MEOX2: variants seen among roughly 807,000 people sequenced by gnomAD.
MEOX2 encodes mesenchyme homeobox 2, also known as homeobox protein MOX-2.
Under a neutral mutation model 27.0 loss-of-function variants are expected in MEOX2, and 11 were observed. The observed-to-expected ratio is 0.41, with a 90% CI of 0.26 to 0.68. The LOEUF is 0.68. MEOX2 is among the 30% of genes least tolerant of loss of function. The probability of loss-of-function intolerance (pLI) is 0.33; values close to 1 mark genes in which losing one functional copy is unlikely to be tolerated. For synonymous variants in MEOX2, 189 were observed against 155.4 expected (o/e 1.22, Z -1.61); for missense variants, 436 against 385.4 (o/e 1.13, Z -1.10).
chr7:15,655,661 T>C (rs1781807855), intron 1 of MEOX2, among the ~76,000 whole-genome samples: 1 of 151,824 alleles, frequency 6.6e-6, no homozygotes, highest in Admixed American at 6.6e-5. Context: ...ATTTCTGTGT[T>C]TGGAAATTTT....
intron 1 of MEOX2, among the ~76,000 whole-genome samples, chr7:15,653,229 G>C (rs1167887982): frequency 6.6e-6 from 1 of 151,866 alleles, no homozygotes; most frequent in East Asian, 1.9e-4. Flanking sequence ...TTTCCAAATA[G>C]CAGATAATAA....
intron 1 of MEOX2, among the ~76,000 whole-genome samples, chr7:15,666,110 G>C (rs750700871): frequency 6.6e-6 from 1 of 152,096 alleles, no homozygotes; most frequent in Non-Finnish European, 1.5e-5. Flanking sequence ...AGGAAGAAAT[G>C]CCAAGACCAA....
At chr7:15,617,576 T>G (rs1781142979) in intron 2 of MEOX2, among the ~76,000 whole-genome samples, 1 of 152,094 alleles carries the variant, frequency 6.6e-6, no homozygotes, top group South Asian at 2.1e-4. Context: ...TATATCTGAT[T>G]AAGAGAAGGA....
chr7:15,617,158 TAACATCA>T (rs1345490909), intron 2 of MEOX2, among the ~76,000 whole-genome samples: 3 of 152,122 alleles, frequency 2.0e-5, no homozygotes, highest in African/African-American at 2.4e-5. Flanking sequence ...AAAAAAGCCA[TAACATCA>T]AACATCTGGA....
rs1037404656 is a variant in MEOX2 at position 15,649,494 on chromosome 7, A to T, written c.518-22576T>A. On this transcript the variant is annotated intron_variant, in intron 1 of 2. Transcript: ENST00000262041. ...GAAGTTTCACAAGCAAATTACATTT[A>T]TGATAGTTCTTCTAGAAAGGACAGA... Among the ~76,000 whole-genome samples, 9 of 152,254 alleles carry T rather than the reference A, an allele frequency of 5.9e-5. No homozygotes were observed. The East Asian group carries it at 1.7e-3, about 29-fold the overall frequency.
intron 1 of MEOX2, among the ~76,000 whole-genome samples, chr7:15,627,715 G>C (rs73300577): frequency 6.6e-6 from 1 of 151,372 alleles, no homozygotes; most frequent in African/African-American, 2.4e-5. Context: ...CATAACTAAC[G>C]TATAGAATTT....
chr7:15,657,451 T>G (rs117657027), intron 1 of MEOX2, among the ~76,000 whole-genome samples: 10,013 of 152,236 alleles, frequency 0.066, 455 homozygotes, highest in Non-Finnish European at 0.1. Context: ...AGTTTTTCCC[T>G]TTGTACTGTC....
At chr7:15,684,072 A>G (rs1017459919) in intron 1 of MEOX2, among the ~76,000 whole-genome samples, 2 of 152,214 alleles carry the variant, frequency 1.3e-5, no homozygotes, top group Non-Finnish European at 2.9e-5. Context: ...CCGTTTTCTC[A>G]GTTTTCCCCA....
chr7:15,654,384 C>G (rs1781787727), intron 1 of MEOX2, among the ~76,000 whole-genome samples: 1 of 151,412 alleles, frequency 6.6e-6, no homozygotes. Context: ...TTCTTCCTTT[C>G]TGATCTGTAT....
chr7:15,636,934 C>T (rs990355285), intron 1 of MEOX2, among the ~76,000 whole-genome samples: 1 of 151,944 alleles, frequency 6.6e-6, no homozygotes, highest in African/African-American at 2.4e-5. Context: ...GTGAAATCCT[C>T]ATGACCTAAA....
chr7:15,627,556 T>A (rs1781332959), intron 1 of MEOX2, among the ~76,000 whole-genome samples: 1 of 152,040 alleles, frequency 6.6e-6, no homozygotes, highest in African/African-American at 2.4e-5. Flanking sequence ...ACAGAGTTTT[T>A]AAATGTGTTT....
chr7:15,634,789 T>C (rs117949958), intron 1 of MEOX2, among the ~76,000 whole-genome samples: 3,720 of 152,088 alleles, frequency 0.024, 64 homozygotes, highest in Non-Finnish European at 0.039. Flanking sequence ...TATTTGCAGA[T>C]AAAATTGTTC....
At chr7:15,657,508 T>A (rs1781842681) in intron 1 of MEOX2, among the ~76,000 whole-genome samples, 1 of 152,206 alleles carries the variant, frequency 6.6e-6, no homozygotes, top group South Asian at 2.1e-4. Flanking sequence ...TTGGCTAGTA[T>A]ATTTTTAGTT....
intron 1 of MEOX2, among the ~76,000 whole-genome samples, chr7:15,638,625 T>C (rs1454344241): frequency 1.3e-5 from 2 of 152,030 alleles, no homozygotes; most frequent in Non-Finnish European, 1.5e-5. Flanking sequence ...TTTTTTACCC[T>C]CTCCTCCTTC....
Position 15,612,129 on chromosome 7 carries a change from C to T in MEOX2, c.*258G>A, listed in dbSNP as rs1234882387. 1 of 504,262 alleles carries T rather than the reference C, an allele frequency of 2.0e-6. No homozygotes were observed. Among genetic ancestry groups the T allele is most frequent in the East Asian group, 3.3e-5 (1 of 30,176 alleles). The allele number at this position is 504,262 out of a possible 1,614,324, so 31.2% of individuals were successfully genotyped here. A position where few individuals can be genotyped will look rare whatever the true frequency, so the allele number is the denominator to read the frequency against. On this transcript the variant is annotated 3_prime_UTR_variant, in exon 3 of 3. Transcript: ENST00000262041. ...GCAAGCAAAAGCAAACACATACCTG[C>T]TCACTGCCATACGCACGACCAAACA...
Position 15,686,527 on chromosome 7 carries a change from A to C in MEOX2, c.-125T>G. The stretch of plus-strand genomic sequence containing the variant: ...TAACCTCCCAAAGCAATAGCGGTGC[A>C]CTTCTGCAGAGCTCGGATAATCCCG... On this transcript the variant is annotated 5_prime_UTR_variant, in exon 1 of 3. Transcript: ENST00000262041. 1.2e-6 allele frequency: 1 copy of C among 840,084 alleles called. No homozygotes were observed. Among genetic ancestry groups the C allele is most frequent in the Non-Finnish European group, 1.8e-6 (1 of 548,334 alleles). 52.0% of individuals were successfully genotyped at this position (840,084 alleles called of 1,614,324 possible). A position where few individuals can be genotyped will look rare whatever the true frequency, so the allele number is the denominator to read the frequency against.
At chr7:15,634,659 T>A (rs1781454748) in intron 1 of MEOX2, among the ~76,000 whole-genome samples, 1 of 151,978 alleles carries the variant, frequency 6.6e-6, no homozygotes, top group South Asian at 2.1e-4. Context: ...AACTTTCAGT[T>A]ATACAACTCT....
At chr7:15,621,454 C>T (rs1261180925) in intron 2 of MEOX2, among the ~76,000 whole-genome samples, 1 of 152,150 alleles carries the variant, frequency 6.6e-6, no homozygotes, top group African/African-American at 2.4e-5. Flanking sequence ...ACTACCCTGA[C>T]ATTGCATTAT....
rs6945653 is a variant in MEOX2 at position 15,667,505 on chromosome 7, C to T, written c.517+18381G>A. Among the ~76,000 whole-genome samples, 869 of 151,948 alleles carry T rather than the reference C, an allele frequency of 5.7e-3. 9 individuals are homozygous for T. Among genetic ancestry groups the T allele is most frequent in the African/African-American group, 0.02 (829 of 41,444 alleles). ...TCCAGAAACCTCAAGGTGTTCTGTT[C>T]GTCTTAGTGTACCCAAAGCGTAGGG... On this transcript the variant is annotated intron_variant, in intron 1 of 2. Coordinates refer to ENST00000262041, the MANE Select transcript of MEOX2 (RefSeq NM_005924.5).
Sources: gnomAD v4.1 joint callset for allele counts (sites outside exome capture counted in the v4.1 genomes callset) on GRCh38, gnomAD v4.1.1 for gene constraint, MANE v1.5 for transcripts, NCBI Gene and HGNC (gene_info 2026-07-23, HGNC 2026-07-21) for gene names.